The following EXOC6B variants were observed in gnomAD, a reference collection of about 807,000 sequenced individuals.
EXOC6B encodes the protein SEC15 homolog B.
Under a neutral mutation model 113.5 loss-of-function variants are expected in EXOC6B, and 54 were observed. That is an observed-to-expected ratio of 0.48 (90% confidence interval 0.38 to 0.60). The LOEUF is 0.60. EXOC6B is among the 20% of genes least tolerant of loss of function. The pLI, the probability that EXOC6B is intolerant of heterozygous loss-of-function variation, is 0.00. For missense variants in EXOC6B, 797 were observed against 977.5 expected (o/e 0.82, Z 2.46); for synonymous variants, 357 against 339.0 (o/e 1.05, Z -0.58).
At chr2:72,222,336 G>C (rs1238350635) in intron 20 of EXOC6B, among the ~76,000 whole-genome samples, 2 of 152,090 alleles carry the variant, frequency 1.3e-5, no homozygotes, top group African/African-American at 4.8e-5. Context: ...CTACAGGAAA[G>C]GTGGGCCTTA....
intron 18 of EXOC6B, among the ~76,000 whole-genome samples, chr2:72,395,294 G>T (rs189030808): frequency 1.9e-4 from 29 of 152,130 alleles, no homozygotes; most frequent in African/African-American, 5.5e-4. Flanking sequence ...AATGGTAGAC[G>T]CCTGACTGTC....
chr2:72,360,031 C>G (rs940805338), intron 19 of EXOC6B, among the ~76,000 whole-genome samples: 1 of 152,146 alleles, frequency 6.6e-6, no homozygotes. Context: ...GCTTCTTGTA[C>G]AGCTTGCAGA....
At chr2:72,264,339 G>A (rs541401126) in intron 20 of EXOC6B, among the ~76,000 whole-genome samples, 2 of 152,254 alleles carry the variant, frequency 1.3e-5, no homozygotes, top group South Asian at 4.1e-4. Context: ...GGGAGACCGA[G>A]GCGGGCAGAT....
chr2:72,344,528 A>G (rs145548506), intron 19 of EXOC6B, among the ~76,000 whole-genome samples: 3 of 152,104 alleles, frequency 2.0e-5, no homozygotes, highest in African/African-American at 7.2e-5. Context: ...AAAACTGGAC[A>G]TTTGAATCTA....
intron 1 of EXOC6B, among the ~76,000 whole-genome samples, chr2:72,793,703 G>A (rs1684801589): frequency 6.6e-6 from 1 of 152,184 alleles, no homozygotes; most frequent in African/African-American, 2.4e-5. Flanking sequence ...GTACATAGGT[G>A]TAAGAGAAAG....
chr2:72,271,671 T>C (rs2104629527), intron 20 of EXOC6B, among the ~76,000 whole-genome samples: 1 of 152,286 alleles, frequency 6.6e-6, no homozygotes, highest in South Asian at 2.1e-4. Context: ...CCTGTTTACC[T>C]CTAGAGAAAA....
intron 2 of EXOC6B, among the ~76,000 whole-genome samples, chr2:72,734,452 C>G (rs1425433664): frequency 2.6e-5 from 4 of 152,114 alleles, no homozygotes; most frequent in Non-Finnish European, 4.4e-5. Flanking sequence ...GAAGCATTGT[C>G]TAAAAGGGGG....
intron 1 of EXOC6B, among the ~76,000 whole-genome samples, chr2:72,744,882 C>G (rs1274712347): frequency 6.6e-6 from 1 of 151,842 alleles, no homozygotes; most frequent in African/African-American, 2.4e-5. Flanking sequence ...AAAAAAAAAT[C>G]AAAAACCTAA....
At chr2:72,425,255 A>G (rs1366984595) in intron 18 of EXOC6B, among the ~76,000 whole-genome samples, 1 of 152,202 alleles carries the variant, frequency 6.6e-6, no homozygotes, top group Non-Finnish European at 1.5e-5. Flanking sequence ...TAGAAAATAC[A>G]TACAACTGTC....
chr2:72,701,177 T>C (rs1678311554), intron 6 of EXOC6B, among the ~76,000 whole-genome samples: 1 of 151,100 alleles, frequency 6.6e-6, no homozygotes, highest in Non-Finnish European at 1.5e-5. Flanking sequence ...ACCCCATCTC[T>C]ACTAAAAATA....
intron 6 of EXOC6B, among the ~76,000 whole-genome samples, chr2:72,577,997 C>T (rs1416050349): frequency 2.0e-5 from 3 of 151,978 alleles, no homozygotes; most frequent in East Asian, 1.9e-4. Context: ...CTCAAGAGTA[C>T]TTCATATATA....
chr2:72,578,353 A>AT (rs1705003142), intron 6 of EXOC6B, among the ~76,000 whole-genome samples: 1 of 152,034 alleles, frequency 6.6e-6, no homozygotes, highest in African/African-American at 2.4e-5. Flanking sequence ...GCTAAACCTA[A>AT]TTTTCCAATG....
chr2:72,386,212 CAA>C (rs199615544), intron 18 of EXOC6B, among the ~76,000 whole-genome samples: 1 of 138,554 alleles, frequency 7.2e-6, no homozygotes, highest in African/African-American at 2.7e-5. Context: ...TAGGCATGAG[CAA>C]AAAAAAAAAT....
chr2:72,275,344 C>G (rs1438030149), intron 20 of EXOC6B, among the ~76,000 whole-genome samples: 6 of 152,122 alleles, frequency 3.9e-5, no homozygotes, highest in Admixed American at 2.6e-4. Context: ...TGTCAACAGA[C>G]CACTTGGAGT....
At chr2:72,753,984 C>A (rs937017947) in intron 1 of EXOC6B, among the ~76,000 whole-genome samples, 3 of 152,112 alleles carry the variant, frequency 2.0e-5, no homozygotes, top group Admixed American at 2.0e-4. Context: ...CACTCTGTGT[C>A]CCAGGCTCAA....
chr2:72,776,656 T>C (rs1011816743), intron 1 of EXOC6B, among the ~76,000 whole-genome samples: 1 of 151,214 alleles, frequency 6.6e-6, no homozygotes, highest in African/African-American at 2.4e-5. Context: ...GAATTTGCAA[T>C]ATGAATTAGG....
intron 18 of EXOC6B, among the ~76,000 whole-genome samples, chr2:72,455,808 C>G (rs647242): frequency 0.36 from 54,930 of 151,670 alleles, 14,642 homozygotes; most frequent in African/African-American, 0.75. Flanking sequence ...GGGTGTATAT[C>G]TATAGACACA....
intron 7 of EXOC6B, among the ~76,000 whole-genome samples, chr2:72,562,423 C>A (rs4364045): frequency 0.61 from 93,236 of 151,994 alleles, 34,844 homozygotes; most frequent in East Asian, 0.99. Flanking sequence ...ATTCATACTT[C>A]TTCCTTTTCT....
chr2:72,266,755 T>C (rs1347520112), intron 20 of EXOC6B, among the ~76,000 whole-genome samples: 1 of 152,214 alleles, frequency 6.6e-6, no homozygotes, highest in Non-Finnish European at 1.5e-5. Context: ...TTTGGTTCCA[T>C]ATGAACTTTA....
Sources: gnomAD v4.1 joint callset for allele counts (sites outside exome capture counted in the v4.1 genomes callset) on GRCh38, gnomAD v4.1.1 for gene constraint, MANE v1.5 for transcripts, NCBI Gene and HGNC (gene_info 2026-07-23, HGNC 2026-07-21) for gene names.